The following ABCC9 variants were observed in gnomAD, a reference collection of about 807,000 sequenced individuals.
ABCC9 encodes the protein ATP binding cassette subfamily C member 9.
ABCC9 carries 95 observed loss-of-function variants against 188.3 expected under a neutral mutation model. The ratio of observed to expected loss-of-function variants is 0.50; its 90% CI spans 0.43 to 0.60. The LOEUF is 0.60. ABCC9 is among the 20% of genes least tolerant of loss of function. ABCC9 has a pLI of 0.00. For synonymous variants in ABCC9, 659 were observed against 652.7 expected, an observed-to-expected ratio of 1.01 and a Z score of -0.15; for missense variants, 1,102 against 1,876.3, an observed-to-expected ratio of 0.59 and a Z score of 7.62.
intron 18 of ABCC9, 52 bp from the exon 19 acceptor site, chr12:21,864,529 C>G (rs1555192862): frequency 7.2e-6 from 9 of 1,257,104 alleles, no homozygotes; most frequent in Non-Finnish European, 1.1e-5. Context: ...AATATAGAAC[C>G]AATGTGCATA....
At chr12:21,933,372 T>A (rs1949361834) in intron 4 of ABCC9, among the ~76,000 whole-genome samples, 1 of 152,058 alleles carries the variant, frequency 6.6e-6, no homozygotes, top group Non-Finnish European at 1.5e-5. Flanking sequence ...CCCCTGAACT[T>A]AAAATAAAAG....
chr12:21,800,701 C>G lies in ABCC9; in HGVS notation c.*343G>C. ...ACAAACAAGAGTATAGTAATACTGA[C>G]TACTCATTGACACTTCCATTCCTGA... On this transcript the variant is annotated 3_prime_UTR_variant, in exon 40 of 40. Transcript: ENST00000261200. 3.2e-6 allele frequency: 1 copy of G among 315,902 alleles called. No individual in the cohort carries two copies. Among genetic ancestry groups the G allele is most frequent in the South Asian group, 3.2e-5 (1 of 31,178 alleles). 19.6% of individuals were successfully genotyped at this position (315,902 alleles called of 1,614,324 possible).
At chr12:21,923,002 T>G (rs1948893287) in intron 5 of ABCC9, 1 of 151,332 alleles carries the variant, frequency 6.6e-6, no homozygotes, top group South Asian at 2.1e-4. Flanking sequence ...TTATTTTTTT[T>G]TACATAAGTG....
intron 4 of ABCC9, among the ~76,000 whole-genome samples, chr12:21,928,823 CTATT>C (rs1470840565): frequency 6.6e-6 from 1 of 152,060 alleles, no homozygotes; most frequent in Non-Finnish European, 1.5e-5. Flanking sequence ...TGTTAGTTCT[CTATT>C]TACAAAGCTG....
chr12:21,890,253 C>T (rs1468832437), intron 14 of ABCC9, among the ~76,000 whole-genome samples: 3 of 152,116 alleles, frequency 2.0e-5, no homozygotes, highest in Non-Finnish European at 2.9e-5. Context: ...CATGTAATGA[C>T]CCGCTTCTTA....
chr12:21,813,977 C>T (rs1009259943), intron 35 of ABCC9, among the ~76,000 whole-genome samples: 8 of 152,142 alleles, frequency 5.3e-5, no homozygotes, highest in African/African-American at 1.9e-4. Flanking sequence ...GATCCTCTTT[C>T]ATTCAAGATA....
intron 15 of ABCC9, among the ~76,000 whole-genome samples, chr12:21,886,106 G>C (rs187930468): frequency 6.6e-6 from 1 of 152,034 alleles, no homozygotes; most frequent in East Asian, 1.9e-4. Flanking sequence ...AAATTTTTTA[G>C]ACACTTCCTT....
intron 32 of ABCC9, 64 bp from the exon 33 acceptor site, chr12:21,817,371 C>T (rs374910126): frequency 1.5e-4 from 239 of 1,555,550 alleles, no homozygotes; most frequent in Middle Eastern, 3.3e-4. Context: ...GGTTAATCAC[C>T]GGAAATTTTG....
intron 12 of ABCC9, among the ~76,000 whole-genome samples, chr12:21,901,935 A>G (rs1455434905): frequency 6.6e-6 from 1 of 152,234 alleles, no homozygotes; most frequent in East Asian, 1.9e-4. Context: ...AATTGAACTC[A>G]GCTCTGCACC....
chr12:21,810,355 A>G (rs1942149575), intron 36 of ABCC9, among the ~76,000 whole-genome samples: 2 of 152,204 alleles, frequency 1.3e-5, no homozygotes, highest in South Asian at 2.1e-4. Context: ...CTGTGCTGCC[A>G]TCACCAACAA....
At chr12:21,930,908 G>A (rs1364940473) in intron 4 of ABCC9, among the ~76,000 whole-genome samples, 1 of 152,154 alleles carries the variant, frequency 6.6e-6, no homozygotes, top group East Asian at 1.9e-4. Flanking sequence ...GTGGGGGAAA[G>A]ATGTATATAG....
At chr12:21,823,526 C>T (rs574874309) in intron 31 of ABCC9, among the ~76,000 whole-genome samples, 1 of 152,308 alleles carries the variant, frequency 6.6e-6, no homozygotes, top group East Asian at 1.9e-4. Context: ...ACAAAATAGA[C>T]TCTTGTGCAA....
chr12:21,902,000 C>A (rs2137803129), intron 12 of ABCC9, among the ~76,000 whole-genome samples: 1 of 152,268 alleles, frequency 6.6e-6, no homozygotes, highest in East Asian at 1.9e-4. Context: ...ACAGAATATA[C>A]ATCCTTCTGA....
intron 14 of ABCC9, among the ~76,000 whole-genome samples, chr12:21,892,925 T>C (rs1157329853): frequency 1.3e-5 from 2 of 152,206 alleles, no homozygotes; most frequent in Admixed American, 6.5e-5. Flanking sequence ...TGATACTTCA[T>C]ATATTTAAAG....
intron 5 of ABCC9, among the ~76,000 whole-genome samples, chr12:21,920,238 AAT>A (rs149678401): frequency 0.021 from 3,152 of 152,136 alleles, 48 homozygotes; most frequent in Middle Eastern, 0.041. Flanking sequence ...TAGCTACAGC[AAT>A]AAGACAAGCA....
chr12:21,844,342 T>G, intron 28 of ABCC9, 141 bp downstream of exon 28: 1 of 699,948 alleles, frequency 1.4e-6, no homozygotes, highest in Non-Finnish European at 2.5e-6. Flanking sequence ...CATTTGCATG[T>G]ATTGATACAA....
At chr12:21,937,517 CA>C (rs1202271730) in intron 2 of ABCC9, among the ~76,000 whole-genome samples, 1 of 152,080 alleles carries the variant, frequency 6.6e-6, no homozygotes, top group Non-Finnish European at 1.5e-5. Context: ...GATTCCGGGG[CA>C]GAGGAGTGAC....
intron 14 of ABCC9, among the ~76,000 whole-genome samples, chr12:21,891,803 C>A (rs551958611): frequency 6.6e-6 from 1 of 152,242 alleles, no homozygotes; most frequent in East Asian, 1.9e-4. Flanking sequence ...AATCAGCTGA[C>A]CAAAGTCTCC....
At position 21,801,113 on chromosome 12, in the gene ABCC9, A is replaced by G. The variant is rs1463783346; in HGVS notation, c.4581T>C (p.Tyr1527=). ...IVMKRGNILE[Y]DTPESLLAQE... is the part of the protein sequence containing the mutation. Reference sequence around the variant, plus strand: ...GAGCCAAGAGGCTTTCTGGAGTGTCATATTCTAAAATATTTCCTCGCTTCA... The same window carrying G: ...GAGCCAAGAGGCTTTCTGGAGTGTCGTATTCTAAAATATTTCCTCGCTTCA... The change falls in exon 40 of 40, where the codon TAT becomes TAC. Residue 1527 remains tyrosine (Y), a synonymous_variant. Transcript: ENST00000261200. 6.2e-7 allele frequency: 1 copy of G among 1,613,942 alleles called. No homozygotes were observed. Among genetic ancestry groups the G allele is most frequent in the Non-Finnish European group, 8.5e-7 (1 of 1,179,950 alleles).
Sources: gnomAD v4.1 joint callset for allele counts (sites outside exome capture counted in the v4.1 genomes callset) on GRCh38, gnomAD v4.1.1 for gene constraint, MANE v1.5 for transcripts, NCBI Gene and HGNC (gene_info 2026-07-23, HGNC 2026-07-21) for gene names.